Variants in DOCK6 observed in about 807,000 individuals in gnomAD.
The protein encoded by DOCK6 is dedicator of cytokinesis protein 6.
DOCK6 carries 167 observed loss-of-function variants against 230.3 expected under a neutral mutation model. The observed-to-expected ratio is 0.73, with a 90% CI of 0.64 to 0.82. DOCK6 has a LOEUF of 0.82. DOCK6 is among the 40% of genes least tolerant of loss of function. The pLI, the probability that DOCK6 is intolerant of heterozygous loss-of-function variation, is 0.00. For missense variants in DOCK6, 2,598 were observed against 2,825.8 expected (o/e 0.92, Z 1.83); for synonymous variants, 1,148 against 1,185.0 (o/e 0.97, Z 0.64).
Position 11,235,755 on chromosome 19 carries a change from G to A in DOCK6, c.2397C>T (p.Asn799=), listed in dbSNP as rs2147825637. Residue 799 remains asparagine (N), a synonymous_variant, in exon 21 of 48, where the codon AAC becomes AAT. Coordinates refer to ENST00000294618, the MANE Select transcript of DOCK6 (RefSeq NM_020812.4). ...TTGCTTCAAAGGCTCCACGGCCCAG[G>A]TTCACTGCAGGGCAGAGCAGAGGTC... ...RPPIISGQIV[N]LGRGAFEAMA... is the part of the protein sequence containing the mutation. 6.3e-7 allele frequency: 1 copy of A among 1,588,702 alleles called. No homozygotes were observed. The highest frequency in any genetic ancestry group is 2.3e-5 in the East Asian group (1 of 43,844).
chr19:11,216,877 C>T (rs1395306857), intron 30 of DOCK6, 37 bp downstream of exon 30: 5 of 1,607,534 alleles, frequency 3.1e-6, no homozygotes, highest in Non-Finnish European at 4.3e-6. Context: ...CATCCTTAGC[C>T]TGCCTCCTCC....
At chr19:11,249,560 T>C (rs1211286234) in intron 6 of DOCK6, among the ~76,000 whole-genome samples, 1 of 150,596 alleles carries the variant, frequency 6.6e-6, no homozygotes. Flanking sequence ...ATGGTGTTGA[T>C]GGTTGGATAA....
chr19:11,219,638 A>C (rs191460299), intron 28 of DOCK6, among the ~76,000 whole-genome samples: 1 of 151,850 alleles, frequency 6.6e-6, no homozygotes, highest in Non-Finnish European at 1.5e-5. Context: ...AATACAAAAA[A>C]AACTAGTCAG....
chr19:11,239,231 G>A (rs1256043694), intron 14 of DOCK6, among the ~76,000 whole-genome samples: 2 of 152,206 alleles, frequency 1.3e-5, no homozygotes, highest in African/African-American at 2.4e-5. Context: ...CACGTGGCAA[G>A]TATGTGGGAG....
chr19:11,258,699 C>T (rs2080236262), intron 1 of DOCK6, among the ~76,000 whole-genome samples: 1 of 151,350 alleles, frequency 6.6e-6, no homozygotes, highest in Admixed American at 6.6e-5. Flanking sequence ...TCCCAAAGTG[C>T]TGGGATTACA....
intron 37 of DOCK6, among the ~76,000 whole-genome samples, chr19:11,211,528 T>G (rs921304976): frequency 2.0e-5 from 3 of 147,850 alleles, no homozygotes; most frequent in African/African-American, 7.5e-5. Flanking sequence ...CTCACCTGTC[T>G]GCTCCCCTAT....
chr19:11,240,901 C>G (rs900464258), intron 14 of DOCK6, among the ~76,000 whole-genome samples: 2 of 151,730 alleles, frequency 1.3e-5, no homozygotes, highest in African/African-American at 4.8e-5. Context: ...AAACTGGTAA[C>G]ATTTTGTGAG....
Position 11,235,796 on chromosome 19 carries a change from A to G in DOCK6, c.2393-37T>C, listed in dbSNP as rs369343330. The G allele has an allele frequency of 7.5e-5, 116 of 1,552,990 alleles. No individual in the cohort carries two copies. The African/African-American group carries it at 1.2e-3, about 17-fold the overall frequency. On this transcript the variant is annotated intron_variant, in intron 20 of 47. Transcript: ENST00000294618. ...AGCAGAGGTCAAGTTCCAGGGCCCA[A>G]GGCCTCTCACCTCCCCGCCCACTTT...
intron 33 of DOCK6, 59 bp from the exon 34 acceptor site, chr19:11,214,468 G>A (rs1468847458): frequency 1.2e-6 from 2 of 1,613,594 alleles, no homozygotes; most frequent in Non-Finnish European, 1.7e-6. Context: ...ATGGGGAAAG[G>A]GAAGGAGAGG....
chr19:11,241,193 C>A (rs1348344959), intron 14 of DOCK6, among the ~76,000 whole-genome samples: 17 of 150,936 alleles, frequency 1.1e-4, no homozygotes, highest in South Asian at 6.3e-4. Context: ...TTGCAGTGAG[C>A]TGAGATCGTG....
In DOCK6 at chr19:11,242,091, G is replaced by A. The variant is rs748964635; in HGVS notation, c.1597C>T (p.Leu533=). 3 of 1,538,456 alleles carry A rather than the reference G, an allele frequency of 2.0e-6. No homozygotes were observed. Among genetic ancestry groups the A allele is most frequent in the East Asian group, 4.6e-5 (2 of 43,392 alleles). ...TAGACTTCGCGGGCGGGGAACTCCA[G>A]AATCTCCTTGGTGGGCCGGCCCCTG... ...DPRGRPTKEI[L]EFPAREVYAP... The change falls in exon 14 of 48, where the codon CTG becomes TTG. Residue 533 remains leucine, a synonymous_variant. Transcript: ENST00000294618.
intron 30 of DOCK6, chr19:11,216,679 G>A (rs2079493331): frequency 1.9e-6 from 1 of 519,570 alleles, no homozygotes; most frequent in African/African-American, 1.9e-5. Flanking sequence ...AAAGTGCTGG[G>A]ATTACAGGTG....
intron 2 of DOCK6, 82 bp downstream of exon 2, chr19:11,253,556 TG>T: frequency 1.1e-6 from 1 of 890,572 alleles, no homozygotes; most frequent in Non-Finnish European, 1.6e-6. Context: ...AGGGAGGGGG[TG>T]GGATAGAACC....
At chr19:11,262,236 G>A (rs1032627167) in intron 1 of DOCK6, among the ~76,000 whole-genome samples, 161 bp downstream of exon 1, 1 of 151,686 alleles carries the variant, frequency 6.6e-6, no homozygotes, top group African/African-American at 2.4e-5. Flanking sequence ...GGCCCTCCCC[G>A]CCTTCTCCCG....
At chr19:11,225,231 A>T (rs1321013555) in intron 24 of DOCK6, among the ~76,000 whole-genome samples, 2 of 152,124 alleles carry the variant, frequency 1.3e-5, no homozygotes, top group Non-Finnish European at 2.9e-5. Flanking sequence ...CCATCTCAAA[A>T]AAAAAAGTGG....
In DOCK6 at chr19:11,217,271, G is replaced by T. The variant is rs1399226190; in HGVS notation, c.3671C>A (p.Ala1224Asp). 6.2e-7 allele frequency: 1 copy of T among 1,612,934 alleles called. No homozygotes were observed. The highest frequency in any genetic ancestry group is 8.5e-7 in the Non-Finnish European group (1 of 1,179,680). Reference protein sequence around the residue: ...VAMAIAGGPLAPGSRASISQG... With the variant: ...VAMAIAGGPLDPGSRASISQG... ...GGAGATGCTGGCCCGGGAGCCAGGG[G>T]CTAGGGGGCCACCAGCAATGGCCAT... The change falls in exon 29 of 48, where the codon GCC becomes GAC. Residue 1224 changes from alanine to aspartate, a missense_variant. By Grantham distance (126) the Ala-to-Asp change is moderately radical. Coordinates refer to ENST00000294618, the MANE Select transcript of DOCK6 (RefSeq NM_020812.4).
Position 11,245,797 on chromosome 19 carries a change from A to G in DOCK6, c.873+15T>C, listed in dbSNP as rs1358108164. On this transcript the variant is annotated intron_variant, in intron 8 of 47. Coordinates refer to ENST00000294618, the MANE Select transcript of DOCK6 (RefSeq NM_020812.4). ...GGAGAAGGAAGGGGAGGAAAGAGAA[A>G]AAAGGGCCTCCTACCTTCTTTTTCT... 1 of 1,585,676 alleles carries G rather than the reference A, an allele frequency of 6.3e-7. No individual in the cohort carries two copies. Among genetic ancestry groups the G allele is most frequent in the African/African-American group, 1.3e-5 (1 of 74,244 alleles).
chr19:11,205,432 T>A (rs2079242481), intron 39 of DOCK6, among the ~76,000 whole-genome samples: 1 of 151,730 alleles, frequency 6.6e-6, no homozygotes, highest in Non-Finnish European at 1.5e-5. Flanking sequence ...AACCTCTGCC[T>A]CCTGGGTTCA....
Position 11,200,467 on chromosome 19 carries a change from C to T in DOCK6, c.5942G>A (p.Cys1981Tyr), listed in dbSNP as rs1329328329. ...CTTATTTTTCCGCAGCGCATCCTCACATCTGAGGGCCAGAGGGTGGGAGAT... is the reference window on the plus strand; with the variant it reads ...CTTATTTTTCCGCAGCGCATCCTCATATCTGAGGGCCAGAGGGTGGGAGAT... ...RLCFKDFCKK[C>Y]EDALRKNKAL... The change falls in exon 47 of 48, where the codon TGT (cysteine) becomes TAT (tyrosine). Residue 1981 changes from cysteine to tyrosine, a missense_variant and splice_region_variant. By Grantham distance (194) the Cys-to-Tyr change is radical. Coordinates refer to ENST00000294618, the MANE Select transcript of DOCK6 (RefSeq NM_020812.4). This position sits in a 1 kb window ranked among gnomAD's most constrained non-coding sequence, Gnocchi z 4.3. 1 of 1,609,470 alleles carries T rather than the reference C, an allele frequency of 6.2e-7. No individual in the cohort carries two copies. Among genetic ancestry groups the T allele is most frequent in the Admixed American group, 1.7e-5 (1 of 59,584 alleles).
Sources: gnomAD v4.1 joint callset for allele counts (sites outside exome capture counted in the v4.1 genomes callset) on GRCh38, gnomAD v4.1.1 for gene constraint, Gnocchi (gnomAD v3.1) non-coding constraint, MANE v1.5 for transcripts, NCBI Gene and HGNC (gene_info 2026-07-23, HGNC 2026-07-21) for gene names.